RAD23B: variants seen among roughly 807,000 people sequenced by gnomAD.
RAD23B encodes RAD23 nucleotide excision repair protein B.
RAD23B carries 5 observed loss-of-function variants against 49.1 expected under a neutral mutation model. The observed-to-expected ratio is 0.10, with a 90% CI of 0.05 to 0.21. The LOEUF (loss-of-function observed/expected upper bound fraction) is 0.21. RAD23B is among the 10% of genes least tolerant of loss of function. RAD23B has a pLI of 1.00. For missense variants in RAD23B, 356 were observed against 486.7 expected, an observed-to-expected ratio of 0.73 and a Z score of 2.53; for synonymous variants, 184 against 165.4, an observed-to-expected ratio of 1.11 and a Z score of -0.86.
chr9:107,298,826 A>G (rs73515784), intron 1 of RAD23B, among the ~76,000 whole-genome samples: 3,336 of 151,592 alleles, frequency 0.022, 118 homozygotes, highest in African/African-American at 0.074. Context: ...TTTTTTTGCA[A>G]ATCTGATGTT....
chr9:107,307,522 A>C (rs1826803116), intron 4 of RAD23B, among the ~76,000 whole-genome samples: 1 of 152,242 alleles, frequency 6.6e-6, no homozygotes, highest in African/African-American at 2.4e-5. Context: ...GACTTAGTGC[A>C]ACTCAGGACC....
At chr9:107,284,500 CAAAA>C (rs1328594315) in intron 1 of RAD23B, among the ~76,000 whole-genome samples, 3 of 151,604 alleles carry the variant, frequency 2.0e-5, no homozygotes, top group East Asian at 1.9e-4. Context: ...AAAAAAAAAA[CAAAA>C]AACAACAACT....
intron 3 of RAD23B, among the ~76,000 whole-genome samples, chr9:107,302,747 C>T (rs1187823107): frequency 6.6e-6 from 1 of 151,518 alleles, no homozygotes; most frequent in African/African-American, 2.4e-5. Context: ...GCTCTGTCTC[C>T]CGGGTTCATG....
Position 107,306,578 on chromosome 9 carries a change from C to T in RAD23B, c.428C>T (p.Ala143Val). Residue 143 changes from alanine (A) to valine (V), a missense_variant, in exon 4 of 10, where the codon GCT (alanine) becomes GTT (valine). Physicochemically the swap from Ala to Val is moderately conservative, Grantham distance 64. Coordinates refer to ENST00000358015, the MANE Select transcript of RAD23B (RefSeq NM_002874.5). ...TCTGAACCTGCACCTGCTAGTGCAG[C>T]TAAACAAGAGAAGCCTGCAGAAAAG... is the stretch of plus-strand genomic sequence containing the variant. Reference protein sequence around the residue: ...ASSEPAPASAAKQEKPAEKPA... With the variant: ...ASSEPAPASAVKQEKPAEKPA... 1 of 1,614,118 alleles carries T rather than the reference C, an allele frequency of 6.2e-7. No individual in the cohort carries two copies. The highest frequency in any genetic ancestry group is 8.5e-7 in the Non-Finnish European group (1 of 1,179,984).
chr9:107,331,804 C>T lies in RAD23B; in HGVS notation c.*2148C>T. 1.3e-6 allele frequency: 1 copy of T among 758,144 alleles called. No homozygotes were observed. Among genetic ancestry groups the T allele is most frequent in the Non-Finnish European group, 2.4e-6 (1 of 410,640 alleles). The allele number at this position is 758,144 out of a possible 1,614,324, so 47.0% of individuals were successfully genotyped here. On this transcript the variant is annotated 3_prime_UTR_variant, in exon 10 of 10. Transcript: ENST00000358015. The stretch of plus-strand genomic sequence containing the variant: ...ATTAATTATCAGAAGACAGCTCAGG[C>T]CAAGTTTTGATCGTTCCATACAGTA...
chr9:107,287,834 C>CAAAAAAAAAAAAA (rs11396857), intron 1 of RAD23B, among the ~76,000 whole-genome samples: 1 of 119,248 alleles, frequency 8.4e-6, no homozygotes, highest in Non-Finnish European at 1.7e-5. Context: ...AACTCCATCT[C>CAAAAAAAAAAAAA]AAAAAAAAAA....
intron 1 of RAD23B, among the ~76,000 whole-genome samples, chr9:107,289,457 A>G (rs936053565): frequency 2.6e-5 from 4 of 152,080 alleles, no homozygotes; most frequent in African/African-American, 9.7e-5. Context: ...AAGTGCTGGG[A>G]TGACAGGCAT....
intron 1 of RAD23B, chr9:107,283,947 C>T: frequency 9.1e-7 from 1 of 1,104,846 alleles, no homozygotes; most frequent in Non-Finnish European, 1.1e-6. Flanking sequence ...GTGGAGCGCA[C>T]GCCCGCGGGC....
intron 1 of RAD23B, among the ~76,000 whole-genome samples, chr9:107,285,550 C>T (rs114467555): frequency 0.016 from 2,404 of 152,264 alleles, 69 homozygotes; most frequent in African/African-American, 0.055. Flanking sequence ...AGGCACTTTA[C>T]GCATACTGTT....
rs562435076 is a variant in RAD23B at position 107,283,711 on chromosome 9, G to A, written c.66+16G>A. ...CGAGGAGACGGTATGCGCGCGGGCC[G>A]GGGGCAGGGGCAGCCGCGTGCGGGC... On this transcript the variant is annotated intron_variant, in intron 1 of 9. Coordinates refer to ENST00000358015, the MANE Select transcript of RAD23B (RefSeq NM_002874.5). 14 of 1,448,228 alleles carry A rather than the reference G, an allele frequency of 9.7e-6. No individual in the cohort carries two copies. Among genetic ancestry groups the A allele is most frequent in the Middle Eastern group, 2.3e-4 (1 of 4,384 alleles). The allele number at this position is 1,448,228 out of a possible 1,614,324, so 89.7% of individuals were successfully genotyped here.
At chr9:107,320,352 A>G (rs976069700) in intron 6 of RAD23B, among the ~76,000 whole-genome samples, 1 of 152,194 alleles carries the variant, frequency 6.6e-6, no homozygotes, top group African/African-American at 2.4e-5. Context: ...AGTGGCTTTC[A>G]TTTACACCTG....
chr9:107,325,210 A>G, intron 9 of RAD23B: 4 of 343,188 alleles, frequency 1.2e-5, no homozygotes, highest in Non-Finnish European at 1.6e-5. Flanking sequence ...GCTACTTGGG[A>G]GGCTGAGGCA....
In RAD23B at chr9:107,306,639, A is replaced by C. The variant is rs756262610; in HGVS notation, c.489A>C (p.Ala163=). The change falls in exon 4 of 10, where the codon GCA becomes GCC. Residue 163 remains alanine (A), a synonymous_variant. Transcript: ENST00000358015. The part of the protein sequence containing the change: ...AETPVATSPT[A]TDSTSGDSSR... ...CACCAGTGGCTACTAGCCCAACAGCAACTGACAGGTAGGAACTGGATTCTA... is the reference window on the plus strand; with the variant it reads ...CACCAGTGGCTACTAGCCCAACAGCCACTGACAGGTAGGAACTGGATTCTA... The C allele has an allele frequency of 1.1e-5, 17 of 1,613,370 alleles. No individual in the cohort carries two copies. Among genetic ancestry groups the C allele is most frequent in the Middle Eastern group, 1.6e-4 (1 of 6,080 alleles).
chr9:107,312,091 A>T (rs7847357), intron 5 of RAD23B, among the ~76,000 whole-genome samples: 8,322 of 152,270 alleles, frequency 0.055, 694 homozygotes, highest in African/African-American at 0.19. Context: ...CTCACACTTC[A>T]TGTGTATTCA....
At chr9:107,305,659 G>A (rs1469714740) in intron 3 of RAD23B, among the ~76,000 whole-genome samples, 1 of 151,964 alleles carries the variant, frequency 6.6e-6, no homozygotes, top group African/African-American at 2.4e-5. Flanking sequence ...TTATTTTTCT[G>A]CTTAATTACA....
chr9:107,286,919 C>CA (rs1343883227), intron 1 of RAD23B, among the ~76,000 whole-genome samples: 2 of 151,932 alleles, frequency 1.3e-5, no homozygotes, highest in African/African-American at 4.8e-5. Context: ...AAAAAAAATA[C>CA]AAAAAATTAG....
Position 107,329,665 on chromosome 9 carries a change from T to G in RAD23B, c.*9T>G. On this transcript the variant is annotated 3_prime_UTR_variant, in exon 10 of 10. Coordinates refer to ENST00000358015, the MANE Select transcript of RAD23B (RefSeq NM_002874.5). ...ACTTTGATGAAGATTGAAAGGGACT[T>G]TTTTATATCTCACACTTCACACCAG... 6.4e-7 allele frequency: 1 copy of G among 1,563,492 alleles called. No individual in the cohort carries two copies. The highest frequency in any genetic ancestry group is 8.8e-7 in the Non-Finnish European group (1 of 1,134,496).
intron 5 of RAD23B, among the ~76,000 whole-genome samples, chr9:107,313,857 T>G (rs1826938321): frequency 1.3e-5 from 2 of 152,054 alleles, no homozygotes; most frequent in Admixed American, 1.3e-4. Context: ...TAAGTCTGTT[T>G]CTTTTCTTTT....
At chr9:107,286,936 G>A (rs892791837) in intron 1 of RAD23B, among the ~76,000 whole-genome samples, 1 of 152,050 alleles carries the variant, frequency 6.6e-6, no homozygotes, top group Admixed American at 6.6e-5. Flanking sequence ...TTAGACGGAC[G>A]TGGTGGCATG....
Sources: gnomAD v4.1 joint callset for allele counts (sites outside exome capture counted in the v4.1 genomes callset) on GRCh38, gnomAD v4.1.1 for gene constraint, MANE v1.5 for transcripts, NCBI Gene and HGNC (gene_info 2026-07-23, HGNC 2026-07-21) for gene names.